Variants in SLC10A2 observed in about 807,000 individuals in gnomAD.
SLC10A2 encodes the protein solute carrier family 10 member 2.
In SLC10A2, 34 loss-of-function variants were observed where a neutral mutation model predicts 27.1. The ratio of observed to expected loss-of-function variants is 1.26; its 90% CI spans 0.96 to 1.67. SLC10A2 has a LOEUF of 1.67. SLC10A2 is among the 40% of genes most tolerant of loss of function. The pLI, the probability that SLC10A2 is intolerant of heterozygous loss-of-function variation, is 0.00. For missense variants in SLC10A2, 530 were observed against 444.4 expected (o/e 1.19, Z -1.73); for synonymous variants, 205 against 174.0 (o/e 1.18, Z -1.40).
chr13:103,056,349 CTT>C (rs1466547216), intron 2 of SLC10A2, among the ~76,000 whole-genome samples: 2 of 152,050 alleles, frequency 1.3e-5, no homozygotes, highest in African/African-American at 4.8e-5. Flanking sequence ...TCTTTTCACT[CTT>C]GACCTCTTAT....
intron 2 of SLC10A2, 37 bp downstream of exon 2, chr13:103,058,227 G>T (rs1340755125): frequency 1.7e-6 from 2 of 1,178,984 alleles, no homozygotes; most frequent in East Asian, 2.3e-5. Context: ...GAGAGTTTGA[G>T]GGTAACAGTC....
intron 3 of SLC10A2, among the ~76,000 whole-genome samples, chr13:103,052,249 T>C (rs1242218697): frequency 6.6e-6 from 1 of 152,166 alleles, no homozygotes; most frequent in Non-Finnish European, 1.5e-5. Flanking sequence ...GAGGACAGAA[T>C]AGAGTAAACC....
In SLC10A2 at chr13:103,065,961, C is replaced by T. The variant is rs1377660957; in HGVS notation, c.289G>A (p.Ala97Thr). 6.2e-7 allele frequency: 1 copy of T among 1,614,178 alleles called. No homozygotes were observed. ...SVAFDILPLQAVVVLIIGCCP... is the reference protein window; with the variant it reads ...SVAFDILPLQTVVVLIIGCCP... ...CATCCTATAATGAGCACCACTACGG[C>T]CTGGAGCGGGAGGATGTCAAAGGCC... Residue 97 changes from alanine (A) to threonine (T), a missense_variant, in exon 1 of 6, where the codon GCC becomes ACC. Physicochemically the swap from Ala to Thr is moderately conservative, Grantham distance 58 (BLOSUM62 0). Coordinates refer to ENST00000245312, the MANE Select transcript of SLC10A2 (RefSeq NM_000452.3).
intron 2 of SLC10A2, among the ~76,000 whole-genome samples, chr13:103,057,252 A>C (rs536445686): frequency 1.3e-5 from 2 of 152,154 alleles, no homozygotes; most frequent in Admixed American, 6.5e-5. Context: ...TGTTCGTGAT[A>C]GTTCTGTGGG....
At position 103,046,261 on chromosome 13, in the gene SLC10A2, C is replaced by G. The variant is rs760757479; in HGVS notation, c.920-1G>C. ...TGACATTTCTTGTATGCCACATAAA[C>G]TAGAAAACAATACACAGACAGTTAA... On this transcript the variant is annotated splice_acceptor_variant, in intron 5 of 5. Transcript: ENST00000245312. LOFTEE classifies it high-confidence loss of function. 2 of 1,610,594 alleles carry G rather than the reference C, an allele frequency of 1.2e-6. No homozygotes were observed. The highest frequency in any genetic ancestry group is 2.7e-5 in the African/African-American group (2 of 74,778).
At chr13:103,065,245 G>A (rs1007891808) in intron 1 of SLC10A2, among the ~76,000 whole-genome samples, 2 of 152,182 alleles carry the variant, frequency 1.3e-5, no homozygotes, top group Non-Finnish European at 2.9e-5. Flanking sequence ...TACTCTGTAG[G>A]AAGTGGAGAA....
chr13:103,052,896 C>T (rs1171226131), intron 2 of SLC10A2, among the ~76,000 whole-genome samples, 188 bp from the exon 3 acceptor site: 1 of 152,112 alleles, frequency 6.6e-6, no homozygotes, highest in Non-Finnish European at 1.5e-5. Flanking sequence ...TTCACCCACT[C>T]CAGTAAATAA....
At chr13:103,065,771 C>A in intron 1 of SLC10A2, 102 bp downstream of exon 1, 1 of 1,353,050 alleles carries the variant, frequency 7.4e-7, no homozygotes, top group Middle Eastern at 2.2e-4. Flanking sequence ...CTTAGTCATA[C>A]TTTAGATGCG....
chr13:103,052,039 G>A (rs191658920), intron 3 of SLC10A2, among the ~76,000 whole-genome samples: 9 of 152,214 alleles, frequency 5.9e-5, no homozygotes, highest in Admixed American at 3.3e-4. Flanking sequence ...ACTTTGCCCC[G>A]AGCAGCAGAA....
At chr13:103,048,845 A>G (rs1875686540) in intron 5 of SLC10A2, among the ~76,000 whole-genome samples, 1 of 152,212 alleles carries the variant, frequency 6.6e-6, no homozygotes, top group Non-Finnish European at 1.5e-5. Flanking sequence ...ATATGCACAC[A>G]CACATCTTCC....
intron 2 of SLC10A2, among the ~76,000 whole-genome samples, chr13:103,055,140 C>T (rs1429581332): frequency 2.0e-5 from 3 of 152,132 alleles, no homozygotes; most frequent in Non-Finnish European, 2.9e-5. Flanking sequence ...AATCATTGAA[C>T]CCCTCTGAGC....
At chr13:103,054,379 C>G (rs1171414623) in intron 2 of SLC10A2, among the ~76,000 whole-genome samples, 1 of 152,124 alleles carries the variant, frequency 6.6e-6, no homozygotes, top group Non-Finnish European at 1.5e-5. Context: ...TTCTTTATAG[C>G]AATGAGAGAA....
rs1405320578 is a variant in SLC10A2, at chr13:103,044,664, C to T, written c.*1469G>A. The stretch of plus-strand genomic sequence containing the variant: ...TTCCCATAATGCTTGGGTGCACCAG[C>T]AGAATCTGAACTCAGAACATGCAAA... On this transcript the variant is annotated 3_prime_UTR_variant, in exon 6 of 6. Transcript: ENST00000245312. 5 of 152,128 alleles carry T rather than the reference C, an allele frequency of 3.3e-5. No homozygotes were observed. Among genetic ancestry groups the T allele is most frequent in the Non-Finnish European group, 7.3e-5 (5 of 68,028 alleles). 9.4% of individuals were successfully genotyped at this position (152,128 alleles called of 1,614,324 possible).
intron 5 of SLC10A2, among the ~76,000 whole-genome samples, chr13:103,048,536 A>AT (rs1269836325): frequency 2.6e-5 from 4 of 152,216 alleles, no homozygotes; most frequent in African/African-American, 9.6e-5. Context: ...TTCACTTTAT[A>AT]TTCCTCATTA....
intron 5 of SLC10A2, 126 bp from the exon 6 acceptor site, chr13:103,046,386 A>G: frequency 2.6e-6 from 2 of 782,022 alleles, no homozygotes; most frequent in Non-Finnish European, 2.1e-6. Context: ...GAGGCTGCTT[A>G]GAGAAAGAAA....
chr13:103,046,922 G>T (rs1875628213), intron 5 of SLC10A2, among the ~76,000 whole-genome samples: 1 of 152,162 alleles, frequency 6.6e-6, no homozygotes, highest in African/African-American at 2.4e-5. Context: ...GGAAAGGGTG[G>T]TTTCAACAAG....
chr13:103,060,148 C>T (rs190878742), intron 1 of SLC10A2, among the ~76,000 whole-genome samples: 15 of 152,224 alleles, frequency 9.9e-5, no homozygotes, highest in African/African-American at 3.1e-4. Context: ...GGGTCCTCTT[C>T]AAAGGGATCT....
At chr13:103,055,375 A>G (rs1300927298) in intron 2 of SLC10A2, among the ~76,000 whole-genome samples, 3 of 152,206 alleles carry the variant, frequency 2.0e-5, no homozygotes, top group Non-Finnish European at 4.4e-5. Flanking sequence ...GGGGGCTCAC[A>G]GGTGTTTACT....
intron 2 of SLC10A2, among the ~76,000 whole-genome samples, chr13:103,056,454 T>C (rs7324650): frequency 0.28 from 42,195 of 151,746 alleles, 5,983 homozygotes; most frequent in South Asian, 0.31. Context: ...TATAAGTCAT[T>C]CACACTGCAG....
Sources: allele counts gnomAD v4.1 joint callset (sites outside exome capture counted in the v4.1 genomes callset), GRCh38; gene constraint gnomAD v4.1.1; transcripts MANE v1.5; gene names NCBI Gene and HGNC (gene_info 2026-07-23, HGNC 2026-07-21).